The following ESPL1 variants were observed in gnomAD, a reference collection of about 807,000 sequenced individuals.
ESPL1 encodes the protein separin.
A neutral mutation model predicts 217.2 loss-of-function variants in ESPL1; 50 were observed. The observed-to-expected ratio is 0.23, with a 90% CI of 0.18 to 0.29. The LOEUF (loss-of-function observed/expected upper bound fraction) is 0.29. ESPL1 is among the 10% of genes least tolerant of loss of function. The pLI, the probability that ESPL1 is intolerant of heterozygous loss-of-function variation, is 1.00. For missense variants in ESPL1, 1,834 were observed against 2,603.0 expected, an observed-to-expected ratio of 0.70 and a Z score of 6.43; for synonymous variants, 994 against 1,081.3, an observed-to-expected ratio of 0.92 and a Z score of 1.58.
chr12:53,281,262 C>G (rs780396710), intron 12 of ESPL1, among the ~76,000 whole-genome samples: 1 of 151,324 alleles, frequency 6.6e-6, no homozygotes, highest in Non-Finnish European at 1.5e-5. Flanking sequence ...CTCAGCCTCC[C>G]GAGTAGCTGG....
In ESPL1 at chr12:53,283,535, G is replaced by A. The variant is rs541962327; in HGVS notation, c.3074G>A (p.Arg1025His). 23 of 1,613,916 alleles carry A rather than the reference G, an allele frequency of 1.4e-5. No individual in the cohort carries two copies. In the African/African-American group the frequency reaches 1.5e-4, roughly 10 times the overall value. Residue 1025 changes from arginine to histidine, a missense_variant, in exon 16 of 31, where the codon CGC becomes CAC. Arg to His is a conservative substitution (Grantham distance 29). Coordinates refer to ENST00000257934, the MANE Select transcript of ESPL1 (RefSeq NM_012291.5). The stretch of plus-strand genomic sequence containing the variant: ...CTTACAACAAAGCTGCAGATACCAC[G>A]CCAGTAAGTACAGGGCCAGAGGATA... ...LKLTTKLQIP[R>H]QCALFLVLKG...
rs1423497605 is a variant in ESPL1, at chr12:53,270,501, G to T, written c.1248+19G>T. 6.3e-7 allele frequency: 1 copy of T among 1,592,516 alleles called. No homozygotes were observed. The highest frequency in any genetic ancestry group is 8.6e-7 in the Non-Finnish European group (1 of 1,160,450). ...CTGTCAGGTACTGTCTGGGAATCAA[G>T]GTACCTGGACTAGGCTCATAGGGTT... On this transcript the variant is annotated intron_variant, in intron 4 of 30. Transcript: ENST00000257934.
chr12:53,277,510 T>C lies in ESPL1; in HGVS notation c.2126T>C (p.Leu709Ser). 1 of 1,614,142 alleles carries C rather than the reference T, an allele frequency of 6.2e-7. No homozygotes were observed. The highest frequency in any genetic ancestry group is 8.5e-7 in the Non-Finnish European group (1 of 1,179,996). The stretch of plus-strand genomic sequence containing the variant: ...CGGAGAGCCCAGGCCCCTGGTAACT[T>C]GGAGGAATTTGAAGTCAATGACCTG... Reference protein sequence around the residue: ...RDRRAQAPGNLEEFEVNDLNY... With the variant: ...RDRRAQAPGNSEEFEVNDLNY... The change falls in exon 10 of 31, where the codon TTG becomes TCG. Residue 709 changes from leucine (L) to serine (S), a missense_variant. Physicochemically the swap from Leu to Ser is moderately radical, Grantham distance 145 (BLOSUM62 -2). Transcript: ENST00000257934.
rs1381252734 is a variant in ESPL1, at chr12:53,286,096, A to T, written c.3360A>T (p.Ala1120=). The T allele has an allele frequency of 6.2e-7, 1 of 1,613,076 alleles. No homozygotes were observed. The highest frequency in any genetic ancestry group is 1.7e-5 in the Admixed American group (1 of 59,986). The change falls in exon 18 of 31, where the codon GCA becomes GCT. Residue 1120 remains alanine (A), a synonymous_variant. Transcript: ENST00000257934. The surrounding 1 kb of genome is among the most constrained non-coding windows in gnomAD (Gnocchi z 5.3). ...TGGCCAAGGAGCCTGGCCCCATAGC[A>T]CCTTCTACAAACTCCTCCCCAGTCT... The part of the protein sequence containing the change: ...ATVAKEPGPI[A]PSTNSSPVLK...
At chr12:53,278,399 C>A (rs1459722458) in intron 11 of ESPL1, among the ~76,000 whole-genome samples, 1 of 151,116 alleles carries the variant, frequency 6.6e-6, no homozygotes, top group East Asian at 2.0e-4. Flanking sequence ...ATCCCTTGAG[C>A]CAGGAGGTAG....
chr12:53,272,104 A>G (rs868550642), intron 5 of ESPL1, among the ~76,000 whole-genome samples: 1 of 134,900 alleles, frequency 7.4e-6, no homozygotes, highest in Admixed American at 7.5e-5. Flanking sequence ...AAAAAAAAAA[A>G]TTTGTTGAGT....
At position 53,282,177 on chromosome 12, in the gene ESPL1, G is replaced by T; in HGVS notation, c.2620-87G>T. On this transcript the variant is annotated intron_variant, in intron 13 of 30. Coordinates refer to ENST00000257934, the MANE Select transcript of ESPL1 (RefSeq NM_012291.5). This position sits in a 1 kb window ranked among gnomAD's most constrained non-coding sequence, Gnocchi z 4.0. ...TCTTTCTAATACCCAGGGCCTTCAG[G>T]GATGGGGCCACGTAATCTCCAGGGC... The T allele has an allele frequency of 8.9e-7, 1 of 1,124,916 alleles. No individual in the cohort carries two copies. Among genetic ancestry groups the T allele is most frequent in the Non-Finnish European group, 1.3e-6 (1 of 753,672 alleles). 69.7% of individuals were successfully genotyped at this position (1,124,916 alleles called of 1,614,324 possible).
rs1298676988 is a variant in ESPL1, at chr12:53,282,854, ATG to A, written c.2792-273_2792-272del. Among the ~76,000 whole-genome samples the A allele has an allele frequency of 6.6e-6, 1 of 152,186 alleles. No individual in the cohort carries two copies. Among genetic ancestry groups the A allele is most frequent in the Non-Finnish European group, 1.5e-5 (1 of 68,032 alleles). ...TTATTAGTAGAGGTGGGGTTTCACCATGTTGGCCAGGCTGGTCTCAAACTCCT... is the reference window on the plus strand; with the variant it reads ...TTATTAGTAGAGGTGGGGTTTCACCATTGGCCAGGCTGGTCTCAAACTCCT... On this transcript the variant is annotated intron_variant, in intron 14 of 30. Coordinates refer to ENST00000257934, the MANE Select transcript of ESPL1 (RefSeq NM_012291.5). The surrounding 1 kb of genome is among the most constrained non-coding windows in gnomAD (Gnocchi z 4.0).
chr12:53,283,100 T>A, intron 14 of ESPL1, 29 bp from the exon 15 acceptor site: 1 of 1,613,776 alleles, frequency 6.2e-7, no homozygotes, highest in Middle Eastern at 1.7e-4. Flanking sequence ...TGGCTGCATC[T>A]TCTCCCTTTT....
Position 53,274,924 on chromosome 12 carries a change from C to A in ESPL1, c.1614C>A (p.Ser538Arg). 6.2e-7 allele frequency: 1 copy of A among 1,607,950 alleles called. No individual in the cohort carries two copies. The highest frequency in any genetic ancestry group is 8.5e-7 in the Non-Finnish European group (1 of 1,177,318). The change falls in exon 7 of 31, where the codon AGC becomes AGA. Residue 538 changes from serine to arginine, a missense_variant. Transcript: ENST00000257934. The part of the protein sequence containing the change: ...ILWLAALQPC[S>R]PEHMAEPVTF... ...GGCTGGCAGCCCTGCAACCCTGTAGCCCTGAACACATGGCTGAGCCAGTCA... is the reference window on the plus strand; with the variant it reads ...GGCTGGCAGCCCTGCAACCCTGTAGACCTGAACACATGGCTGAGCCAGTCA...
intron 11 of ESPL1, among the ~76,000 whole-genome samples, chr12:53,279,155 T>G (rs1943821658): frequency 6.6e-6 from 1 of 152,202 alleles, no homozygotes; most frequent in Admixed American, 6.5e-5. Context: ...CCTTTCAAAG[T>G]GCTGGGGTTA....
intron 7 of ESPL1, among the ~76,000 whole-genome samples, chr12:53,276,305 G>GA (rs1399392660): frequency 6.6e-6 from 1 of 152,188 alleles, no homozygotes; most frequent in African/African-American, 2.4e-5. Context: ...CCATGCTTGA[G>GA]AAAGCCGGCA....
chr12:53,279,892 G>A (rs1943833238), intron 12 of ESPL1, 26 bp downstream of exon 12: 1 of 1,531,454 alleles, frequency 6.5e-7, no homozygotes, highest in Non-Finnish European at 8.8e-7. Flanking sequence ...GCCTAGTCTG[G>A]GGACTGCAGG....
At position 53,269,896 on chromosome 12, in the gene ESPL1, A is replaced by G. The variant is rs908331181; in HGVS notation, c.954A>G (p.Ala318=). ...CAGTGGCCAAGCTTCTGATCAAGGC[A>G]TCAGCTGTCCTGAGCAAGAGTATGG... ...PQAVAKLLIK[A]SAVLSKSMEA... is the part of the protein sequence containing the mutation. Residue 318 remains alanine, a synonymous_variant, in exon 3 of 31, where the codon GCA becomes GCG. Coordinates refer to ENST00000257934, the MANE Select transcript of ESPL1 (RefSeq NM_012291.5). The surrounding 1 kb of genome is among the most constrained non-coding windows in gnomAD (Gnocchi z 6.7). The G allele has an allele frequency of 6.2e-7, 1 of 1,614,074 alleles. No individual in the cohort carries two copies. Among genetic ancestry groups the G allele is most frequent in the Non-Finnish European group, 8.5e-7 (1 of 1,180,048 alleles).
chr12:53,269,050 T>G lies in ESPL1; in HGVS notation c.108T>G (p.Gly36=), dbSNP rs750268547. ...LKEFLSNPPA[G]FPSSRSDAER... ...AGTTCCTGTCCAACCCTCCAGCTGG[T>G]TTTCCCAGCAGCCGATCTGATGCTG... The change falls in exon 3 of 31, where the codon GGT becomes GGG. Residue 36 remains glycine (G), a synonymous_variant. Transcript: ENST00000257934. The surrounding 1 kb of genome is among the most constrained non-coding windows in gnomAD (Gnocchi z 6.7). 1.2e-6 allele frequency: 2 copies of G among 1,612,588 alleles called. No individual in the cohort carries two copies. Among genetic ancestry groups the G allele is most frequent in the South Asian group, 2.2e-5 (2 of 90,940 alleles).
At position 53,270,103 on chromosome 12, in the gene ESPL1, A is replaced by C. The variant is rs1206827746; in HGVS notation, c.1143+18A>C. ...ATGATGGTGTGAGTTAAGGACCTGGAGGTAGGGTGGGGACGTGGTCTGTGG... is the reference window on the plus strand; with the variant it reads ...ATGATGGTGTGAGTTAAGGACCTGGCGGTAGGGTGGGGACGTGGTCTGTGG... On this transcript the variant is annotated intron_variant, in intron 3 of 30. Transcript: ENST00000257934. 1 of 1,584,296 alleles carries C rather than the reference A, an allele frequency of 6.3e-7. No individual in the cohort carries two copies. The highest frequency in any genetic ancestry group is 1.2e-5 in the South Asian group (1 of 86,452).
At chr12:53,274,774 A>T in intron 6 of ESPL1, 43 bp from the exon 7 acceptor site, 1 of 1,517,554 alleles carries the variant, frequency 6.6e-7, no homozygotes, top group Non-Finnish European at 9.1e-7. Flanking sequence ...ATACACACTC[A>T]CTGGTTCCTC....
In ESPL1 at chr12:53,288,337, C is replaced by G; in HGVS notation, c.4542C>G (p.Ala1514=). 6.3e-7 allele frequency: 1 copy of G among 1,596,504 alleles called. No homozygotes were observed. Among genetic ancestry groups the G allele is most frequent in the Non-Finnish European group, 8.5e-7 (1 of 1,171,898 alleles). Reference sequence around the variant, plus strand: ...GGGGCTCTGACGGGGAAGACTCAGCCTCAGGTAGGACAGCAAGGGTGAGGT... The same window carrying G: ...GGGGCTCTGACGGGGAAGACTCAGCGTCAGGTAGGACAGCAAGGGTGAGGT... The part of the protein sequence containing the change: ...ILRGSDGEDS[A]SGGKTPAPGP... The change falls in exon 19 of 31, where the codon GCC becomes GCG. Residue 1514 remains alanine (A), a synonymous_variant. Coordinates refer to ENST00000257934, the MANE Select transcript of ESPL1 (RefSeq NM_012291.5).
Position 53,282,113 on chromosome 12 carries a change from G to C in ESPL1, c.2620-151G>C. ...GGAACATTCTGCCTAGGTCCAGGGA[G>C]ATCTCGAAAGCCAGGCAAATATTCA... On this transcript the variant is annotated intron_variant, in intron 13 of 30. Coordinates refer to ENST00000257934, the MANE Select transcript of ESPL1 (RefSeq NM_012291.5). The surrounding 1 kb of genome is among the most constrained non-coding windows in gnomAD (Gnocchi z 4.0). The C allele has an allele frequency of 1.5e-6, 1 of 651,248 alleles. No homozygotes were observed. Among genetic ancestry groups the C allele is most frequent in the Admixed American group, 2.7e-5 (1 of 36,556 alleles). The allele number at this position is 651,248 out of a possible 1,614,324, so 40.3% of individuals were successfully genotyped here.
Sources: gnomAD v4.1 joint callset for allele counts (sites outside exome capture counted in the v4.1 genomes callset) on GRCh38, gnomAD v4.1.1 for gene constraint, Gnocchi (gnomAD v3.1) non-coding constraint, MANE v1.5 for transcripts, NCBI Gene and HGNC (gene_info 2026-07-23, HGNC 2026-07-21) for gene names.